The following PRKCH variants were observed in gnomAD, a reference collection of about 807,000 sequenced individuals.
PRKCH encodes protein kinase C eta type.
Under a neutral mutation model 82.5 loss-of-function variants are expected in PRKCH, and 28 were observed. That is an observed-to-expected ratio of 0.34 (90% CI 0.25 to 0.47). The LOEUF (loss-of-function observed/expected upper bound fraction) is 0.47, where lower values mean the gene tolerates loss of function less well. Among genes scored for constraint, PRKCH ranks in the 20% least tolerant of loss-of-function variants. PRKCH has a pLI of 1.00. For synonymous variants in PRKCH, 322 were observed against 327.4 expected (o/e 0.98, Z 0.18); for missense variants, 705 against 881.8 (o/e 0.80, Z 2.54).
chr14:61,491,700 C>G (rs912057507), intron 10 of PRKCH, among the ~76,000 whole-genome samples: 1 of 152,174 alleles, frequency 6.6e-6, no homozygotes, highest in Admixed American at 6.5e-5. Flanking sequence ...TTCCCTTTTC[C>G]CGTAGTGAAA....
chr14:61,324,152 A>G (rs1486546895), intron 1 of PRKCH, among the ~76,000 whole-genome samples: 1 of 152,138 alleles, frequency 6.6e-6, no homozygotes, highest in Admixed American at 6.5e-5. Context: ...GAGGTGGAGA[A>G]CCTGCAGCCT....
chr14:61,446,136 G>T (rs138671308), intron 4 of PRKCH, among the ~76,000 whole-genome samples: 40 of 148,368 alleles, frequency 2.7e-4, no homozygotes, highest in African/African-American at 9.5e-4. Flanking sequence ...GGGAACATAA[G>T]CTATTATCCA....
chr14:61,449,070 C>G (rs1884363703), intron 4 of PRKCH, 94 bp from the exon 5 acceptor site: 7 of 1,185,752 alleles, frequency 5.9e-6, no homozygotes, highest in Non-Finnish European at 8.7e-6. Context: ...CGAGTCCAGT[C>G]TTGTTGGCAC....
chr14:61,464,833 T>G (rs1425997663), intron 9 of PRKCH, among the ~76,000 whole-genome samples: 1 of 152,248 alleles, frequency 6.6e-6, no homozygotes, highest in Non-Finnish European at 1.5e-5. Flanking sequence ...TTGTAAATAG[T>G]GCTGCAATAA....
At chr14:61,244,477 C>T (rs2044864540) in intron 1 of PRKCH, among the ~76,000 whole-genome samples, 1 of 152,218 alleles carries the variant, frequency 6.6e-6, no homozygotes, top group Non-Finnish European at 1.5e-5. Context: ...GCTCTATCAT[C>T]TTAGGAAATC....
intron 1 of PRKCH, among the ~76,000 whole-genome samples, chr14:61,350,669 AG>A (rs762436963): frequency 2.1e-4 from 32 of 152,160 alleles, no homozygotes; most frequent in Admixed American, 3.3e-4. Flanking sequence ...TGTCTATTCC[AG>A]GAAGCTCGAG....
chr14:61,457,677 C>T lies in PRKCH; in HGVS notation c.1276C>T (p.Pro426Ser), dbSNP rs767525082. 3.7e-6 allele frequency: 6 copies of T among 1,613,786 alleles called. No individual in the cohort carries two copies. Among genetic ancestry groups the T allele is most frequent in the Admixed American group, 1.7e-5 (1 of 59,990 alleles). ...TCAGTTGTTCTGCTGCTTTCAGACC[C>T]CCGTAAGTATGAATCACATTCACTG... is the stretch of plus-strand genomic sequence containing the variant. ...LTQLFCCFQT[P>S]DRLFFVMEFV... Residue 426 changes from proline (P) to serine (S), a missense_variant and splice_region_variant, in exon 9 of 14, where the codon CCC becomes TCC. By Grantham distance (74) the Pro-to-Ser change is moderately conservative. This residue lies in a region of PRKCH where 238 missense variants were observed against 258.1 expected (regional missense o/e 0.92). Coordinates refer to ENST00000332981, the MANE Select transcript of PRKCH (RefSeq NM_006255.5).
chr14:61,347,881 G>C (rs1253617055), intron 1 of PRKCH: 1 of 152,834 alleles, frequency 6.5e-6, no homozygotes, highest in Non-Finnish European at 1.5e-5. Context: ...AGTTTTCAGG[G>C]AACGGAATTA....
chr14:61,397,269 C>G (rs1185717970), intron 2 of PRKCH, among the ~76,000 whole-genome samples: 1 of 152,154 alleles, frequency 6.6e-6, no homozygotes, highest in Non-Finnish European at 1.5e-5. Context: ...CAGATGGTGC[C>G]TCAGAGTCAT....
chr14:61,270,738 T>A (rs2045144154), intron 1 of PRKCH, among the ~76,000 whole-genome samples: 1 of 152,168 alleles, frequency 6.6e-6, no homozygotes, highest in African/African-American at 2.4e-5. Context: ...GTAGTGAGAC[T>A]GAGGAGGGAG....
intron 9 of PRKCH, among the ~76,000 whole-genome samples, chr14:61,471,236 G>C (rs1885489180): frequency 7.0e-6 from 1 of 142,870 alleles, no homozygotes; most frequent in African/African-American, 2.6e-5. Context: ...GAAACACTAA[G>C]GAGGTACACC....
intron 9 of PRKCH, among the ~76,000 whole-genome samples, chr14:61,467,579 C>T (rs1885316294): frequency 6.6e-6 from 1 of 152,236 alleles, no homozygotes; most frequent in East Asian, 1.9e-4. Context: ...GGCCCTGTGA[C>T]AGAGGGTTAG....
intron 1 of PRKCH, among the ~76,000 whole-genome samples, chr14:61,346,660 C>A (rs77825649): frequency 0.012 from 1,846 of 152,266 alleles, 52 homozygotes; most frequent in African/African-American, 0.042. Context: ...ATAAACACTT[C>A]TAGGGCACAC....
At chr14:61,344,870 T>C (rs145933285) in intron 1 of PRKCH, among the ~76,000 whole-genome samples, 1 of 152,280 alleles carries the variant, frequency 6.6e-6, no homozygotes, top group East Asian at 1.9e-4. Context: ...AAAAGATTTA[T>C]TTATTTTTAG....
chr14:61,548,021 T>C (rs1301359743), intron 13 of PRKCH, 135 bp downstream of exon 13: 9 of 1,166,128 alleles, frequency 7.7e-6, no homozygotes, highest in Admixed American at 4.8e-5. Context: ...CAGGGCAGCC[T>C]CCCCTGGGGG....
chr14:61,546,421 T>A (rs764553200), intron 12 of PRKCH, among the ~76,000 whole-genome samples: 3 of 152,224 alleles, frequency 2.0e-5, no homozygotes, highest in Non-Finnish European at 4.4e-5. Flanking sequence ...ACCCTGTCAG[T>A]ATATTCATTT....
intron 1 of PRKCH, among the ~76,000 whole-genome samples, chr14:61,384,880 G>T (rs570913198): frequency 6.6e-6 from 1 of 152,154 alleles, no homozygotes; most frequent in South Asian, 2.1e-4. Flanking sequence ...TCTTCTCTGA[G>T]CTGTTTTGAG....
intron 1 of PRKCH, among the ~76,000 whole-genome samples, chr14:61,203,714 A>G (rs1046068094): frequency 1.3e-5 from 2 of 152,074 alleles, no homozygotes; most frequent in Non-Finnish European, 2.9e-5. Context: ...GGTGGCTCAC[A>G]TACGTAATCC....
intron 9 of PRKCH, among the ~76,000 whole-genome samples, chr14:61,467,672 A>C (rs1256864909): frequency 6.6e-6 from 1 of 152,236 alleles, no homozygotes; most frequent in African/African-American, 2.4e-5. Flanking sequence ...GCCTCTGTTC[A>C]TGCCTTGGGG....
Sources: gnomAD v4.1 joint callset for allele counts (sites outside exome capture counted in the v4.1 genomes callset) on GRCh38, gnomAD v4.1.1 for gene constraint, gnomAD v4.1.1 regional missense constraint, MANE v1.5 for transcripts, NCBI Gene and HGNC (gene_info 2026-07-23, HGNC 2026-07-21) for gene names.